Variants in ZNF695 observed in about 807,000 individuals in gnomAD.
ZNF695 encodes zinc finger protein SBZF3.
A neutral mutation model predicts 11.2 loss-of-function variants in ZNF695; 11 were observed. The observed-to-expected ratio is 0.98, with a 90% CI of 0.62 to 1.62. The LOEUF (loss-of-function observed/expected upper bound fraction) is 1.62, where lower values mean the gene tolerates loss of function less well. ZNF695 is among the 40% of genes most tolerant of loss of function. The pLI is 0.00. For missense variants in ZNF695, 559 were observed against 590.5 expected (o/e 0.95, Z 0.55); for synonymous variants, 190 against 201.4 (o/e 0.94, Z 0.48).
At chr1:246,975,185 C>T (rs979676727) in intron 4 of ZNF695, among the ~76,000 whole-genome samples, 8 of 152,154 alleles carry the variant, frequency 5.3e-5, no homozygotes, top group Non-Finnish European at 1.0e-4. Flanking sequence ...ACCATATAAA[C>T]CAATTCTTAA....
At chr1:246,959,300 A>AAAT (rs1668092306) in intron 5 of ZNF695, among the ~76,000 whole-genome samples, 1 of 68,100 alleles carries the variant, frequency 1.5e-5, no homozygotes, top group Non-Finnish European at 2.7e-5. Context: ...AAAAAAAAAA[A>AAAT]AAAAAAAAAA....
chr1:246,964,127 G>A (rs1406133070), intron 5 of ZNF695, among the ~76,000 whole-genome samples: 1 of 152,156 alleles, frequency 6.6e-6, no homozygotes, highest in Non-Finnish European at 1.5e-5. Context: ...CCTCCAGGGT[G>A]CATCGCCCTT....
chr1:246,980,051 C>A, intron 4 of ZNF695: 1 of 151,020 alleles, frequency 6.6e-6, no homozygotes, highest in Non-Finnish European at 1.5e-5. Flanking sequence ...TGGTGGCGGG[C>A]GCCTGTAGTC....
At chr1:246,964,820 G>A (rs1256478875) in intron 5 of ZNF695, among the ~76,000 whole-genome samples, 2 of 152,178 alleles carry the variant, frequency 1.3e-5, no homozygotes, top group African/African-American at 4.8e-5. Context: ...GCAGTGAGCT[G>A]AGATCGCGGC....
At position 246,955,826 on chromosome 1, in the gene ZNF695, C is replaced by G. The variant is rs1667980785; in HGVS notation, c.489-9999G>C. On this transcript the variant is annotated intron_variant, in intron 5 of 5. Transcript: ENST00000487338. The stretch of plus-strand genomic sequence containing the variant: ...GCACACAGAAGGTGCTCAGTGAGTC[C>G]CAGCTGAAGAAAGTGAATATGATGC... 3.3e-5 allele frequency among the ~76,000 whole-genome samples: 5 copies of G among 152,026 alleles called. No homozygotes were observed. The South Asian group carries it at 1.0e-3, about 31-fold the overall frequency.
chr1:247,008,057 G>C lies in ZNF695; in HGVS notation c.-149C>G. On this transcript the variant is annotated 5_prime_UTR_variant, in exon 1 of 4. Transcript: ENST00000339986. ...ACCCCGCCGGCCGCAAGGAGACAAA[G>C]GCCCCGCCAGATCCCCAAGGCCGCC... 1 of 794,148 alleles carries C rather than the reference G, an allele frequency of 1.3e-6. No individual in the cohort carries two copies. The highest frequency in any genetic ancestry group is 4.0e-5 in the South Asian group (1 of 24,768). 49.2% of individuals were successfully genotyped at this position (794,148 alleles called of 1,614,324 possible). A position where few individuals can be genotyped will look rare whatever the true frequency, so the allele number is the denominator to read the frequency against.
At chr1:246,963,514 GA>G (rs1668214516) in intron 5 of ZNF695, among the ~76,000 whole-genome samples, 1 of 152,168 alleles carries the variant, frequency 6.6e-6, no homozygotes, top group South Asian at 2.1e-4. Flanking sequence ...GGGAGGGGAG[GA>G]ACAATGAAGC....
At chr1:246,952,537 C>A (rs1336996342) in intron 5 of ZNF695, among the ~76,000 whole-genome samples, 1 of 136,660 alleles carries the variant, frequency 7.3e-6, no homozygotes, top group Non-Finnish European at 1.5e-5. Flanking sequence ...TAATGTTATG[C>A]TTCTTCTTCT....
intron 5 of ZNF695, chr1:246,945,909 G>C (rs1667723011): frequency 6.6e-7 from 1 of 1,505,274 alleles, no homozygotes; most frequent in African/African-American, 1.4e-5. Context: ...TGTTAAACCG[G>C]TTCTGATTGA....
At chr1:246,989,441 T>C (rs1267892329) in intron 3 of ZNF695, among the ~76,000 whole-genome samples, 1 of 152,094 alleles carries the variant, frequency 6.6e-6, no homozygotes, top group Non-Finnish European at 1.5e-5. Context: ...TAGGTTCTTA[T>C]CACGTTAAAA....
downstream of ZNF695, among the ~76,000 whole-genome samples, chr1:246,982,785 C>A (rs1429085739): frequency 7.9e-5 from 12 of 151,292 alleles, no homozygotes; most frequent in Admixed American, 5.9e-4. Flanking sequence ...TATTTATATC[C>A]TTTTAAACAT....
At chr1:246,998,917 G>A (rs1470907131) in intron 3 of ZNF695, among the ~76,000 whole-genome samples, 1 of 151,886 alleles carries the variant, frequency 6.6e-6, no homozygotes, top group Non-Finnish European at 1.5e-5. Flanking sequence ...GTAGTGAGCC[G>A]AGATTGTGCC....
intron 1 of ZNF695, among the ~76,000 whole-genome samples, chr1:247,004,441 G>A (rs1669480216): frequency 6.6e-6 from 1 of 151,702 alleles, no homozygotes; most frequent in South Asian, 2.1e-4. Context: ...TATAAAAGGA[G>A]CATACACAGT....
intron 4 of ZNF695, among the ~76,000 whole-genome samples, chr1:246,977,549 G>A (rs1396405891): frequency 1.3e-5 from 2 of 152,176 alleles, no homozygotes; most frequent in Non-Finnish European, 2.9e-5. Context: ...ACCACACCCG[G>A]CAAAAGGATA....
intron 5 of ZNF695, among the ~76,000 whole-genome samples, chr1:246,960,307 A>G (rs533830323): frequency 6.6e-6 from 1 of 152,292 alleles, no homozygotes; most frequent in East Asian, 1.9e-4. Flanking sequence ...TTTCCCAGTA[A>G]CCTAGATGCA....
At chr1:246,945,943 C>A in intron 5 of ZNF695, 1 of 1,313,408 alleles carries the variant, frequency 7.6e-7, no homozygotes, top group Non-Finnish European at 1.1e-6. Context: ...TTGGAGAAGT[C>A]TGTCTGTCCC....
intron 5 of ZNF695, among the ~76,000 whole-genome samples, chr1:246,958,262 G>A (rs1286856034): frequency 6.6e-6 from 1 of 151,990 alleles, no homozygotes; most frequent in African/African-American, 2.4e-5. Context: ...GTTTCACCAT[G>A]TTAGCCAGGA....
intron 3 of ZNF695, among the ~76,000 whole-genome samples, chr1:246,989,904 G>T (rs927546305): frequency 6.6e-6 from 1 of 152,142 alleles, no homozygotes; most frequent in African/African-American, 2.4e-5. Context: ...GAGAGGCTGA[G>T]GTGGGAGGAT....
chr1:246,999,527 C>T, intron 2 of ZNF695, 87 bp from the exon 3 acceptor site: 3 of 1,008,176 alleles, frequency 3.0e-6, no homozygotes, highest in Non-Finnish European at 4.4e-6. Context: ...GAAAACATCA[C>T]ATTAGATCCT....
Sources: gnomAD v4.1 joint callset for allele counts (sites outside exome capture counted in the v4.1 genomes callset) on GRCh38, gnomAD v4.1.1 for gene constraint, MANE v1.5 for transcripts, NCBI Gene and HGNC (gene_info 2026-07-23, HGNC 2026-07-21) for gene names.